MUC4: variants seen among roughly 807,000 people sequenced by gnomAD.
MUC4 encodes mucin-4.
A neutral mutation model predicts 257.9 loss-of-function variants in MUC4; 202 were observed. The ratio of observed to expected loss-of-function variants is 0.78; its 90% CI spans 0.70 to 0.88. The LOEUF is 0.88. Among genes scored for constraint, MUC4 ranks in the 40% least tolerant of loss-of-function variants. The pLI is 0.00. For missense variants in MUC4, 5,976 were observed against 6,513.7 expected (o/e 0.92, Z 2.84); for synonymous variants, 2,351 against 2,757.1 (o/e 0.85, Z 4.62).
Position 195,783,890 on chromosome 3 carries a change from T to G in MUC4, c.7690A>C (p.Thr2564Pro), listed in dbSNP as rs1729748607. ...CCTGTGGATGCTGCGGAAGTGTCGG[T>G]GACAGGAAGAGAGGTGGCGTGACCT... is the stretch of plus-strand genomic sequence containing the variant. ...STGHATSLPV[T>P]DTSAASTGHA... Residue 2564 changes from threonine to proline, a missense_variant, in exon 2 of 25, where the codon ACC becomes CCC. Thr to Pro is a conservative substitution (Grantham distance 38). Transcript: ENST00000463781. The G allele has an allele frequency of 6.6e-7, 1 of 1,507,928 alleles. No homozygotes were observed. Among genetic ancestry groups the G allele is most frequent in the East Asian group, 2.5e-5 (1 of 39,238 alleles). 93.4% of individuals were successfully genotyped at this position (1,507,928 alleles called of 1,614,324 possible). A position where few individuals can be genotyped will look rare whatever the true frequency, so the allele number is the denominator to read the frequency against.
chr3:195,807,335 T>C (rs567532868), intron 1 of MUC4, among the ~76,000 whole-genome samples: 1 of 152,092 alleles, frequency 6.6e-6, no homozygotes, highest in East Asian at 1.9e-4. Context: ...CGCTGTGGTG[T>C]TGGGCGTCTA....
intron 5 of MUC4, among the ~76,000 whole-genome samples, chr3:195,771,065 CTGGT>C: frequency 7.2e-6 from 1 of 138,482 alleles, no homozygotes; most frequent in East Asian, 2.4e-4. Flanking sequence ...TGGGGTATTC[CTGGT>C]CAGTCTCGTG....
chr3:195,783,987 G>C lies in MUC4; in HGVS notation c.7593C>G (p.Val2531=). The C allele has an allele frequency of 6.5e-7, 1 of 1,536,018 alleles. No individual in the cohort carries two copies. The highest frequency in any genetic ancestry group is 8.8e-7 in the Non-Finnish European group (1 of 1,142,594). Residue 2531 remains valine, a synonymous_variant, in exon 2 of 25, where the codon GTC becomes GTG. Transcript: ENST00000463781. ...GTGTGGATAATGAGGAAGCATTGGT[G>C]ACAGGAAGAGGGGTGGTGTCACCTG... ...ASTGDTTPLP[V]TNASSLSTRH...
Position 195,750,971 on chromosome 3 carries a change from G to T in MUC4, c.15789C>A (p.His5263Gln). ...LAAVVEAFLY[H>Q]VPRRSEEPRN... ...TGGGCTCCTCACTCCTCCGTGGAACGTGGTATAAGAACGCCTCCACCACCG... is the reference window on the plus strand; with the variant it reads ...TGGGCTCCTCACTCCTCCGTGGAACTTGGTATAAGAACGCCTCCACCACCG... The change falls in exon 23 of 25, where the codon CAC (histidine) becomes CAA (glutamine). Residue 5263 changes from histidine to glutamine, a missense_variant. Transcript: ENST00000463781. 6.2e-7 allele frequency: 1 copy of T among 1,614,098 alleles called. No individual in the cohort carries two copies. Among genetic ancestry groups the T allele is most frequent in the Middle Eastern group, 1.7e-4 (1 of 6,058 alleles).
intron 7 of MUC4, among the ~76,000 whole-genome samples, chr3:195,767,833 C>T (rs1245635346): frequency 1.7e-5 from 2 of 117,374 alleles, no homozygotes; most frequent in Admixed American, 1.6e-4. Context: ...CCACCACCAT[C>T]ACCACCACCA....
At chr3:195,808,162 C>T (rs758038492) in intron 1 of MUC4, among the ~76,000 whole-genome samples, 12 of 152,144 alleles carry the variant, frequency 7.9e-5, no homozygotes, top group Non-Finnish European at 1.5e-4. Context: ...AGTGCCATTC[C>T]GGGTTCAATC....
Position 195,780,028 on chromosome 3 carries a change from G to A in MUC4, c.11552C>T (p.Thr3851Ile). 2.7e-6 allele frequency: 2 copies of A among 743,146 alleles called. No homozygotes were observed. Among genetic ancestry groups the A allele is most frequent in the South Asian group, 2.3e-5 (1 of 42,782 alleles). The allele number at this position is 743,146 out of a possible 1,614,324, so 46.0% of individuals were successfully genotyped here. The change falls in exon 2 of 25, where the codon ACA becomes ATA. Residue 3851 changes from threonine (T) to isoleucine (I), a missense_variant. By Grantham distance (89) the Thr-to-Ile change is moderately conservative. This residue lies in a region of MUC4 where 330 missense variants were observed against 262.0 expected (regional missense o/e 1.26). Transcript: ENST00000463781. ...GACAGGAAGAGGCATGGTGTCACCT[G>A]TGGATACTGAGGAAGGGATGGTGAC... is the stretch of plus-strand genomic sequence containing the variant. ...LPVTIPSSVS[T>I]GDTMPLPVTS...
rs1195086108 is a variant in MUC4, at chr3:195,767,442, CACCACCACCACCACCAACACT to C, written c.13530-712_13530-692del. Among the ~76,000 whole-genome samples the C allele has an allele frequency of 5.4e-5, 8 of 148,002 alleles. No individual in the cohort carries two copies. In the East Asian group the frequency reaches 6.5e-4, roughly 12 times the overall value. On this transcript the variant is annotated intron_variant, in intron 7 of 24. Coordinates refer to ENST00000463781, the MANE Select transcript of MUC4 (RefSeq NM_018406.7). ...CCAACACTACCATCACCATCACCATCACCACCACCACCACCAACACTACCACCACCATCACCATCACCACCA... is the reference window on the plus strand; with the variant it reads ...CCAACACTACCATCACCATCACCATCACCACCACCATCACCATCACCACCA...
Position 195,789,017 on chromosome 3 carries a change from C to T in MUC4, c.2563G>A (p.Gly855Ser), listed in dbSNP as rs751780393. Residue 855 changes from glycine (G) to serine (S), a missense_variant, in exon 2 of 25, where the codon GGT becomes AGT. Around this residue, in one of 44 missense-constraint regions of MUC4, gnomAD observed 1,583 missense variants for 1,257.4 expected, o/e 1.26. Transcript: ENST00000463781. The stretch of plus-strand genomic sequence containing the variant: ...ATTCCTGTGCTTACTGGGATGGCAC[C>T]ATGACTGGCTGAGGCGGACAGCAAT... ...TELLSASASH[G>S]AIPVSTGMAS... 4 of 1,613,806 alleles carry T rather than the reference C, an allele frequency of 2.5e-6. No homozygotes were observed. In the South Asian group the frequency reaches 3.3e-5, roughly 13 times the overall value.
intron 1 of MUC4, among the ~76,000 whole-genome samples, chr3:195,802,339 A>C (rs1415876312): frequency 8.1e-6 from 1 of 122,764 alleles, no homozygotes; most frequent in Admixed American, 8.2e-5. Context: ...CGTCGCTTTG[A>C]CTACTGCGGC....
At chr3:195,749,554 C>A (rs1471204193) in intron 23 of MUC4, among the ~76,000 whole-genome samples, 27 of 152,168 alleles carry the variant, frequency 1.8e-4, no homozygotes, top group African/African-American at 6.5e-4. Flanking sequence ...GATAATGTGT[C>A]CACAGTACTC....
chr3:195,770,706 AGAACAGGC>A (rs1722606369), intron 5 of MUC4: 4 of 430,452 alleles, frequency 9.3e-6, no homozygotes, highest in Admixed American at 6.8e-5. Flanking sequence ...CAGCTTCTTG[AGAACAGGC>A]GTGAGTCTCT....
rs542087725 is a variant in MUC4 at position 195,751,375 on chromosome 3, G to A, written c.15583-104C>T. 1.2e-4 allele frequency: 105 copies of A among 880,242 alleles called. No individual in the cohort carries two copies. The African/African-American group carries it at 1.3e-3, about 11-fold the overall frequency. The allele number at this position is 880,242 out of a possible 1,614,324, so 54.5% of individuals were successfully genotyped here. A position where few individuals can be genotyped will look rare whatever the true frequency, so the allele number is the denominator to read the frequency against. On this transcript the variant is annotated intron_variant, in intron 21 of 24. Coordinates refer to ENST00000463781, the MANE Select transcript of MUC4 (RefSeq NM_018406.7). Reference sequence around the variant, plus strand: ...ATTCATCCCTGTTTCCTCCTGGAACGGGAGCCCCAGGACCCCAGCACCTTC... The same window carrying A: ...ATTCATCCCTGTTTCCTCCTGGAACAGGAGCCCCAGGACCCCAGCACCTTC...
At position 195,767,944 on chromosome 3, in the gene MUC4, C is replaced by CCACT. The variant is rs1560266928; in HGVS notation, c.13529+1077_13529+1078insAGTG. On this transcript the variant is annotated intron_variant, in intron 7 of 24. Coordinates refer to ENST00000463781, the MANE Select transcript of MUC4 (RefSeq NM_018406.7). Reference sequence around the variant, plus strand: ...CTGCCACCTCCACCGCCACTACCACCACCACCACCACCACCACCACCACTA... The same window carrying CCACT: ...CTGCCACCTCCACCGCCACTACCACCCACTACCACCACCACCACCACCACCACTA... Among the ~76,000 whole-genome samples the CCACT allele has an allele frequency of 3.9e-5, 5 of 128,286 alleles. 1 individual carries two copies. Among genetic ancestry groups the CCACT allele is most frequent in the African/African-American group, 8.6e-5 (3 of 34,862 alleles). 84.2% of individuals were successfully genotyped at this position (128,286 alleles called of 152,430 possible).
At chr3:195,747,972 AGCCCG>A (rs1715425338) in intron 24 of MUC4, among the ~76,000 whole-genome samples, 1 of 150,412 alleles carries the variant, frequency 6.6e-6, no homozygotes, top group Non-Finnish European at 1.5e-5. Context: ...CCCCCGCCCC[AGCCCG>A]GCCCCGCCCC....
Position 195,747,019 on chromosome 3 carries a change from G to A in MUC4, c.*157C>T, listed in dbSNP as rs1715165171. On this transcript the variant is annotated 3_prime_UTR_variant, in exon 25 of 25. Transcript: ENST00000463781. ...CTGTGCACCTGCGCCTATGGATAAG[G>A]TATAGTCTTGTCTTGATTCCCAGTA... 3 of 1,080,344 alleles carry A rather than the reference G, an allele frequency of 2.8e-6. No homozygotes were observed. The highest frequency in any genetic ancestry group is 2.3e-5 in the Admixed American group (1 of 42,736). 66.9% of individuals were successfully genotyped at this position (1,080,344 alleles called of 1,614,324 possible).
Position 195,748,795 on chromosome 3 carries a change from G to A in MUC4, c.16034+107C>T, listed in dbSNP as rs543098813. 27 of 1,359,034 alleles carry A rather than the reference G, an allele frequency of 2.0e-5. No individual in the cohort carries two copies. In the South Asian group the frequency reaches 2.6e-4, roughly 13 times the overall value. 84.2% of individuals were successfully genotyped at this position (1,359,034 alleles called of 1,614,324 possible). On this transcript the variant is annotated intron_variant, in intron 24 of 24. Coordinates refer to ENST00000463781, the MANE Select transcript of MUC4 (RefSeq NM_018406.7). Reference sequence around the variant, plus strand: ...CCTTTTCCACTGTCCTCTCTTCCCTGGTCTCTGATCTCTCGAGCCATCCTA... The same window carrying A: ...CCTTTTCCACTGTCCTCTCTTCCCTAGTCTCTGATCTCTCGAGCCATCCTA...
Position 195,799,213 on chromosome 3 carries a change from G to A in MUC4, c.83-7716C>T, listed in dbSNP as rs62282507. Among the ~76,000 whole-genome samples the A allele has an allele frequency of 9.6e-3, 1,390 of 145,086 alleles. 9 individuals are homozygous for A. The highest frequency in any genetic ancestry group is 0.016 in the Non-Finnish European group (1,052 of 66,580). On this transcript the variant is annotated intron_variant, in intron 1 of 24. Transcript: ENST00000463781. ...TTTATGCCCGTTCTGTGTGTTGCTA[G>A]TATGTATGTGTGACACTGTGTGTGT...
At chr3:195,775,267 A>G (rs916591094) in intron 3 of MUC4, among the ~76,000 whole-genome samples, 3 of 151,988 alleles carry the variant, frequency 2.0e-5, no homozygotes, top group African/African-American at 7.3e-5. Context: ...GATTCCCCGC[A>G]TGCCGGCCGC....
Sources: gnomAD v4.1 joint callset for allele counts (sites outside exome capture counted in the v4.1 genomes callset) on GRCh38, gnomAD v4.1.1 for gene constraint, gnomAD v4.1.1 regional missense constraint, MANE v1.5 for transcripts, NCBI Gene and HGNC (gene_info 2026-07-23, HGNC 2026-07-21) for gene names.